The following UGT1A8 variants were observed in gnomAD, a reference collection of about 807,000 sequenced individuals.
UGT1A8 encodes the protein UDP glucuronosyltransferase family 1 member A8.
Under a neutral mutation model 45.3 loss-of-function variants are expected in UGT1A8, and 39 were observed. The ratio of observed to expected loss-of-function variants is 0.86; its 90% CI spans 0.67 to 1.12. UGT1A8 has a LOEUF of 1.12. Ranked by LOEUF, UGT1A8 falls within the 50% of genes most tolerant of loss-of-function variation. The pLI, the probability that UGT1A8 is intolerant of heterozygous loss-of-function variation, is 0.00. For missense variants in UGT1A8, 719 were observed against 664.9 expected (o/e 1.08, Z -0.90); for synonymous variants, 275 against 249.2 (o/e 1.10, Z -0.97).
Position 233,772,815 on chromosome 2 carries a change from G to A in UGT1A8, c.*256G>A. 1 of 1,022,382 alleles carries A rather than the reference G, an allele frequency of 9.8e-7. No homozygotes were observed. The highest frequency in any genetic ancestry group is 1.3e-6 in the Non-Finnish European group (1 of 747,412). 63.3% of individuals were successfully genotyped at this position (1,022,382 alleles called of 1,614,324 possible). On this transcript the variant is annotated 3_prime_UTR_variant, in exon 5 of 5. Transcript: ENST00000373450. Reference sequence around the variant, plus strand: ...ACATGTGCCATTTTTCAGAGGACGTGCAGACAGGCTGGCATTCTAGATTAC... The same window carrying A: ...ACATGTGCCATTTTTCAGAGGACGTACAGACAGGCTGGCATTCTAGATTAC...
chr2:233,713,012 TC>T, intron 1 of UGT1A8: 2 of 1,613,498 alleles, frequency 1.2e-6, no homozygotes, highest in Non-Finnish European at 1.7e-6. Flanking sequence ...GACTCCAGGT[TC>T]CCCTGCCGCA....
intron 1 of UGT1A8, among the ~76,000 whole-genome samples, chr2:233,711,089 T>C (rs2076163028): frequency 6.6e-6 from 1 of 152,208 alleles, no homozygotes; most frequent in African/African-American, 2.4e-5. Flanking sequence ...TCCAAGTCTA[T>C]CTGTGCAGCC....
In UGT1A8 at chr2:233,743,625, C is replaced by T. The variant is rs201123763; in HGVS notation, c.856-23409C>T. On this transcript the variant is annotated intron_variant, in intron 1 of 4. Coordinates refer to ENST00000373450, the MANE Select transcript of UGT1A8 (RefSeq NM_019076.5). The stretch of plus-strand genomic sequence containing the variant: ...CCGCCGAAGAACTCCCTGAAGACGT[C>T]GGCTGGGTCGCGGAAGCTGAAGACG... The T allele has an allele frequency of 8.8e-5, 121 of 1,367,318 alleles. 1 individual carries two copies. Among genetic ancestry groups the T allele is most frequent in the Non-Finnish European group, 9.0e-5 (92 of 1,021,868 alleles). The allele number at this position is 1,367,318 out of a possible 1,614,324, so 84.7% of individuals were successfully genotyped here.
intron 1 of UGT1A8, chr2:233,693,303 C>T (rs767883759): frequency 3.1e-6 from 5 of 1,614,124 alleles, no homozygotes; most frequent in Non-Finnish European, 1.7e-6. Context: ...AATCACTTTG[C>T]TGAGCGATCA....
At chr2:233,678,855 T>C (rs1363396796) in intron 1 of UGT1A8, among the ~76,000 whole-genome samples, 1 of 152,234 alleles carries the variant, frequency 6.6e-6, no homozygotes, top group Non-Finnish European at 1.5e-5. Context: ...ATTTTGTTGC[T>C]GTATCCATAA....
rs1699539864 is a variant in UGT1A8, at chr2:233,767,990, G to A, written c.1075+54G>A. ...CAAACCAGGGTCAAATTAAGAAAATGGCTTAAGCACAGCTATTCTAAAGGA... is the reference window on the plus strand; with the variant it reads ...CAAACCAGGGTCAAATTAAGAAAATAGCTTAAGCACAGCTATTCTAAAGGA... On this transcript the variant is annotated intron_variant, in intron 3 of 4. Coordinates refer to ENST00000373450, the MANE Select transcript of UGT1A8 (RefSeq NM_019076.5). 1.9e-5 allele frequency: 30 copies of A among 1,613,976 alleles called. No individual in the cohort carries two copies. In the South Asian group the frequency reaches 3.2e-4, roughly 17 times the overall value.
intron 1 of UGT1A8, among the ~76,000 whole-genome samples, chr2:233,707,191 C>T (rs976926305): frequency 6.3e-4 from 96 of 152,212 alleles, no homozygotes; most frequent in African/African-American, 2.1e-3. Flanking sequence ...GCCTGCCCTC[C>T]GTTCTATTCC....
chr2:233,675,177 TA>T (rs2074312930), intron 1 of UGT1A8, among the ~76,000 whole-genome samples: 1 of 152,140 alleles, frequency 6.6e-6, no homozygotes, highest in Admixed American at 6.6e-5. Flanking sequence ...TTAAATACTT[TA>T]ACAAGGATGG....
chr2:233,659,407 G>T (rs2073922138), intron 1 of UGT1A8, among the ~76,000 whole-genome samples: 1 of 152,104 alleles, frequency 6.6e-6, no homozygotes. Flanking sequence ...CTGTATTATT[G>T]TAATAAAGTC....
intron 1 of UGT1A8, among the ~76,000 whole-genome samples, chr2:233,727,070 C>G (rs1272254879): frequency 6.6e-6 from 1 of 152,126 alleles, no homozygotes; most frequent in Non-Finnish European, 1.5e-5. Context: ...TTTCTGTGTT[C>G]TCTTACAAAC....
Position 233,618,242 on chromosome 2 carries a change from GA to G in UGT1A8, c.537del (p.Gly180ValfsTer16). 6.2e-7 allele frequency: 1 copy of G among 1,613,918 alleles called. No homozygotes were observed. The highest frequency in any genetic ancestry group is 8.5e-7 in the Non-Finnish European group (1 of 1,179,872). On this transcript the variant is annotated frameshift_variant, in exon 1 of 5. Transcript: ENST00000373450. LOFTEE classifies it high-confidence loss of function. ...GGGAATAGCTTGCCACTATCTTGAA[GA>G]AGGTGCACAGTGCCCTGCTCCTCTT... ...ARGIACHYLE[E>X]GAQCPAPLSY...
intron 1 of UGT1A8, chr2:233,637,210 A>C (rs780164173): frequency 6.2e-6 from 10 of 1,613,808 alleles, no homozygotes; most frequent in Non-Finnish European, 3.4e-6. Flanking sequence ...TGCCCTAGAA[A>C]TAGCCTCTGA....
intron 1 of UGT1A8, chr2:233,761,180 C>A (rs374898247): frequency 6.2e-7 from 1 of 1,614,128 alleles, no homozygotes; most frequent in East Asian, 2.2e-5. Context: ...CTTTTACATG[C>A]GTATATTCTT....
At chr2:233,722,110 C>T (rs2125686001) in intron 1 of UGT1A8, 2 of 193,306 alleles carry the variant, frequency 1.0e-5, no homozygotes, top group South Asian at 2.1e-4. Flanking sequence ...AGAGGAAGAG[C>T]TATCATCATC....
chr2:233,729,531 G>A (rs757870746), intron 1 of UGT1A8: 11 of 1,614,140 alleles, frequency 6.8e-6, no homozygotes, highest in Non-Finnish European at 9.3e-6. Context: ...TACATAATGA[G>A]GCCCTGATCA....
chr2:233,744,576 G>A (rs371492922), intron 1 of UGT1A8, among the ~76,000 whole-genome samples: 6 of 151,982 alleles, frequency 3.9e-5, no homozygotes, highest in South Asian at 4.2e-4. Flanking sequence ...GAGTGGCATC[G>A]TTTTACAGTT....
chr2:233,672,102 T>C (rs762092554), intron 1 of UGT1A8: 10 of 1,614,022 alleles, frequency 6.2e-6, no homozygotes, highest in Non-Finnish European at 8.5e-6. Context: ...ATGAGGTGGT[T>C]GTAGTCATGC....
chr2:233,668,901 CAG>C (rs2074128725), intron 1 of UGT1A8, among the ~76,000 whole-genome samples: 1 of 152,204 alleles, frequency 6.6e-6, no homozygotes, highest in South Asian at 2.1e-4. Context: ...GACAGTTTTT[CAG>C]AGTTTCCTTG....
At chr2:233,693,698 C>T in intron 1 of UGT1A8, 4 of 1,614,222 alleles carry the variant, frequency 2.5e-6, no homozygotes, top group Non-Finnish European at 3.4e-6. Flanking sequence ...GTATGAAGAA[C>T]TCGCATCAGC....
Sources: allele counts gnomAD v4.1 joint callset (sites outside exome capture counted in the v4.1 genomes callset), GRCh38; gene constraint gnomAD v4.1.1; transcripts MANE v1.5; gene names NCBI Gene and HGNC (gene_info 2026-07-23, HGNC 2026-07-21).